The following LTBP4 variants were observed in gnomAD, a reference collection of about 807,000 sequenced individuals.
LTBP4 encodes the protein latent-transforming growth factor beta-binding protein 4.
A neutral mutation model predicts 180.2 loss-of-function variants in LTBP4; 93 were observed. That is an observed-to-expected ratio of 0.52 (90% CI 0.44 to 0.61). The LOEUF (loss-of-function observed/expected upper bound fraction) is 0.61. Among genes scored for constraint, LTBP4 ranks in the 20% least tolerant of loss-of-function variants. The pLI is 0.00. For missense variants in LTBP4, 2,116 were observed against 2,256.5 expected (o/e 0.94, Z 1.26); for synonymous variants, 947 against 934.5 (o/e 1.01, Z -0.24).
At chr19:40,615,196 G>GGTGGGC (rs111948061) in intron 19 of LTBP4, 1 of 146,524 alleles carries the variant, frequency 6.8e-6, no homozygotes, top group Non-Finnish European at 1.5e-5. Flanking sequence ...GTGTCGGCGG[G>GGTGGGC]GGGGGGGGGG....
At position 40,622,283 on chromosome 19, in the gene LTBP4, C is replaced by T. The variant is rs2081591066; in HGVS notation, c.3218-118C>T. 3.4e-6 allele frequency: 4 copies of T among 1,161,360 alleles called. No individual in the cohort carries two copies. The South Asian group carries it at 6.8e-5, about 20-fold the overall frequency. 71.9% of individuals were successfully genotyped at this position (1,161,360 alleles called of 1,614,324 possible). On this transcript the variant is annotated intron_variant, in intron 22 of 29. Coordinates refer to ENST00000396819, the MANE Select transcript of LTBP4 (RefSeq NM_001042545.2). This position sits in a 1 kb window ranked among gnomAD's most constrained non-coding sequence, Gnocchi z 5.1. ...GTGAGAGGTGTGGAGTCTGGTTCTG[C>T]CACTGATGGCTGCCACCCTCTGTTT...
In LTBP4 at chr19:40,613,040, T is replaced by G. The variant is rs1370681840; in HGVS notation, c.2300-25T>G. On this transcript the variant is annotated intron_variant, in intron 15 of 29. Transcript: ENST00000396819. This position sits in a 1 kb window ranked among gnomAD's most constrained non-coding sequence, Gnocchi z 5.0. ...CGGGTGTGTCCCGAGACTGGACCCTTTCTGAACACCCCCACCCCCCACAGA... is the reference window on the plus strand; with the variant it reads ...CGGGTGTGTCCCGAGACTGGACCCTGTCTGAACACCCCCACCCCCCACAGA... The G allele has an allele frequency of 1.2e-6, 2 of 1,609,594 alleles. No homozygotes were observed. Among genetic ancestry groups the G allele is most frequent in the African/African-American group, 2.7e-5 (2 of 74,816 alleles).
chr19:40,594,053 C>A (rs1367207800), intron 1 of LTBP4, among the ~76,000 whole-genome samples: 1 of 151,876 alleles, frequency 6.6e-6, no homozygotes, highest in Non-Finnish European at 1.5e-5. Flanking sequence ...CCACCTCGGC[C>A]TCCCAAAGTG....
At position 40,613,757 on chromosome 19, in the gene LTBP4, A is replaced by G; in HGVS notation, c.2558-159A>G. The G allele has an allele frequency of 3.1e-6, 4 of 1,295,400 alleles. No individual in the cohort carries two copies. The South Asian group carries it at 5.1e-5, about 17-fold the overall frequency. 80.2% of individuals were successfully genotyped at this position (1,295,400 alleles called of 1,614,324 possible). A position where few individuals can be genotyped will look rare whatever the true frequency, so the allele number is the denominator to read the frequency against. Reference sequence around the variant, plus strand: ...CGTGATTGTAAAGAAGCTGTTCTAAACCCGTCGGGGGGCGGTGTTTGCAGG... The same window carrying G: ...CGTGATTGTAAAGAAGCTGTTCTAAGCCCGTCGGGGGGCGGTGTTTGCAGG... On this transcript the variant is annotated intron_variant, in intron 17 of 29. Coordinates refer to ENST00000396819, the MANE Select transcript of LTBP4 (RefSeq NM_001042545.2). This position sits in a 1 kb window ranked among gnomAD's most constrained non-coding sequence, Gnocchi z 5.0.
Position 40,625,918 on chromosome 19 carries a change from G to T in LTBP4, c.3894G>T (p.Arg1298=). The change falls in exon 27 of 30, where the codon CGG becomes CGT. Residue 1298 remains arginine (R), a synonymous_variant. Transcript: ENST00000396819. The part of the protein sequence containing the change: ...VGADLVCSHP[R]LDRQATYTEC... ...CTGACCTCGTGTGCAGCCACCCTCGGCTGGACCGTCAGGCCACCTACACAG... is the reference window on the plus strand; with the variant it reads ...CTGACCTCGTGTGCAGCCACCCTCGTCTGGACCGTCAGGCCACCTACACAG... 1 of 1,603,784 alleles carries T rather than the reference G, an allele frequency of 6.2e-7. No homozygotes were observed.
chr19:40,614,548 G>A, intron 19 of LTBP4, 102 bp downstream of exon 19: 2 of 1,414,868 alleles, frequency 1.4e-6, no homozygotes, highest in Non-Finnish European at 9.5e-7. Context: ...AGACTTAGGC[G>A]GAGGGAAAGA....
In LTBP4 at chr19:40,622,986, A is replaced by G. The variant is rs1217337848; in HGVS notation, c.3521A>G (p.Tyr1174Cys). 3 of 1,612,912 alleles carry G rather than the reference A, an allele frequency of 1.9e-6. No individual in the cohort carries two copies. Among genetic ancestry groups the G allele is most frequent in the Non-Finnish European group, 1.7e-6 (2 of 1,179,600 alleles). Reference protein sequence around the residue: ...YQSLCPHGRGYLAPSGDLSLR... With the variant: ...YQSLCPHGRGCLAPSGDLSLR... ...TCATTGTGCCCTCACGGCCGGGGCT[A>G]CCTGGCGCCCAGTGGAGACCTGAGC... The change falls in exon 24 of 30, where the codon TAC (tyrosine) becomes TGC (cysteine). Residue 1174 changes from tyrosine (Y) to cysteine (C), a missense_variant. Physicochemically the swap from Tyr to Cys is radical, Grantham distance 194. Coordinates refer to ENST00000396819, the MANE Select transcript of LTBP4 (RefSeq NM_001042545.2). The surrounding 1 kb of genome is among the most constrained non-coding windows in gnomAD (Gnocchi z 5.1).
At position 40,627,253 on chromosome 19, in the gene LTBP4, C is replaced by T. The variant is rs539259184; in HGVS notation, c.4264C>T (p.Pro1422Ser). The change falls in exon 28 of 30, where the codon CCT (proline) becomes TCT (serine). Residue 1422 changes from proline (P) to serine (S), a missense_variant. By Grantham distance (74) the Pro-to-Ser change is moderately conservative. Coordinates refer to ENST00000396819, the MANE Select transcript of LTBP4 (RefSeq NM_001042545.2). The part of the protein sequence containing the change: ...DGGPYGESEA[P>S]APPGPGTRWP... The stretch of plus-strand genomic sequence containing the variant: ...TGGCCCCTATGGCGAATCTGAGGCT[C>T]CTGCGCCACCTGGCCCGGGCACCCG... 6.3e-7 allele frequency: 1 copy of T among 1,580,958 alleles called. No homozygotes were observed. The highest frequency in any genetic ancestry group is 1.1e-5 in the South Asian group (1 of 87,512).
chr19:40,629,340 G>C lies in LTBP4; in HGVS notation c.4520-56G>C. The stretch of plus-strand genomic sequence containing the variant: ...TGTTCCAAGAACTTAAGGGGCCAAG[G>C]AGGCGAGCTTCTGGGGCCCCAGCCT... On this transcript the variant is annotated intron_variant, in intron 29 of 29. Transcript: ENST00000396819. The surrounding 1 kb of genome is among the most constrained non-coding windows in gnomAD (Gnocchi z 4.5). 6.2e-7 allele frequency: 1 copy of C among 1,607,942 alleles called. No individual in the cohort carries two copies. The highest frequency in any genetic ancestry group is 8.5e-7 in the Non-Finnish European group (1 of 1,176,184).
intron 18 of LTBP4, 83 bp from the exon 19 acceptor site, chr19:40,614,232 C>A (rs900033782): frequency 1.3e-6 from 2 of 1,536,604 alleles, no homozygotes; most frequent in Non-Finnish European, 8.8e-7. Flanking sequence ...CGGCCTCCCC[C>A]TTCTGACTCT....
rs1449406681 is a variant in LTBP4 at position 40,622,605 on chromosome 19, G to A, written c.3422G>A (p.Cys1141Tyr). Residue 1141 changes from cysteine to tyrosine, a missense_variant, in exon 23 of 30, where the codon TGT becomes TAT. Physicochemically the swap from Cys to Tyr is radical, Grantham distance 194. Transcript: ENST00000396819. The surrounding 1 kb of genome is among the most constrained non-coding windows in gnomAD (Gnocchi z 5.1). ...AATGTGACATGGCAGGAGTGCTGCT[G>A]TACTGTGGGTGAGGGCTGGGGCAGC... is the stretch of plus-strand genomic sequence containing the variant. ...ARNVTWQECC[C>Y]TVGEGWGSGC... is the part of the protein sequence containing the mutation. 6.2e-7 allele frequency: 1 copy of A among 1,613,120 alleles called. No individual in the cohort carries two copies. The highest frequency in any genetic ancestry group is 8.5e-7 in the Non-Finnish European group (1 of 1,179,600).
Position 40,605,900 on chromosome 19 carries a change from T to G in LTBP4, c.793+69T>G. ...GTGACAACCTCACCGTTCCTCCTACTCTGCCCTAGATAAACCCAGTTCACA... is the reference window on the plus strand; with the variant it reads ...GTGACAACCTCACCGTTCCTCCTACGCTGCCCTAGATAAACCCAGTTCACA... On this transcript the variant is annotated intron_variant, in intron 4 of 29. Coordinates refer to ENST00000396819, the MANE Select transcript of LTBP4 (RefSeq NM_001042545.2). This position sits in a 1 kb window ranked among gnomAD's most constrained non-coding sequence, Gnocchi z 5.5. The G allele has an allele frequency of 6.8e-7, 1 of 1,473,232 alleles. No homozygotes were observed. Among genetic ancestry groups the G allele is most frequent in the Non-Finnish European group, 9.1e-7 (1 of 1,095,952 alleles). 91.3% of individuals were successfully genotyped at this position (1,473,232 alleles called of 1,614,324 possible). A position where few individuals can be genotyped will look rare whatever the true frequency, so the allele number is the denominator to read the frequency against.
intron 7 of LTBP4, among the ~76,000 whole-genome samples, 198 bp downstream of exon 7, chr19:40,607,727 C>T (rs2081473896): frequency 6.6e-6 from 1 of 152,210 alleles, no homozygotes; most frequent in Non-Finnish European, 1.5e-5. Flanking sequence ...CCACAGCCAC[C>T]CCTCCATTCG....
rs772328066 is a variant in LTBP4 at position 40,629,386 on chromosome 19, C to T, written c.4520-10C>T. ...AGCCTTCAGCAGCGATCGTTGTCTC[C>T]CCTCCGCAGACATCAACGAGTGTGA... is the stretch of plus-strand genomic sequence containing the variant. On this transcript the variant is annotated splice_polypyrimidine_tract_variant and intron_variant, in intron 29 of 29. Coordinates refer to ENST00000396819, the MANE Select transcript of LTBP4 (RefSeq NM_001042545.2). The surrounding 1 kb of genome is among the most constrained non-coding windows in gnomAD (Gnocchi z 4.5). The T allele has an allele frequency of 6.2e-6, 10 of 1,612,714 alleles. No homozygotes were observed. The highest frequency in any genetic ancestry group is 7.6e-6 in the Non-Finnish European group (9 of 1,179,494).
chr19:40,605,015 T>G lies in LTBP4; in HGVS notation c.251-20T>G, dbSNP rs377402626. 1 of 1,593,750 alleles carries G rather than the reference T, an allele frequency of 6.3e-7. No individual in the cohort carries two copies. The highest frequency in any genetic ancestry group is 8.6e-7 in the Non-Finnish European group (1 of 1,166,154). On this transcript the variant is annotated intron_variant, in intron 1 of 29. Coordinates refer to ENST00000396819, the MANE Select transcript of LTBP4 (RefSeq NM_001042545.2). This position sits in a 1 kb window ranked among gnomAD's most constrained non-coding sequence, Gnocchi z 5.5. ...TGCCAGGAATGGTGGCGCCCCTGAG[T>G]GTCCTCGTTCTCCTCCCAGTCCTGT...
In LTBP4 at chr19:40,611,800, A is replaced by G. The variant is rs1476479914; in HGVS notation, c.2054-59A>G. 6.4e-7 allele frequency: 1 copy of G among 1,556,348 alleles called. No homozygotes were observed. The highest frequency in any genetic ancestry group is 1.2e-5 in the South Asian group (1 of 83,552). ...GACTGGAATGCTGGGGTGGGTGGTG[A>G]TGGCCATGGGAATGGATTCAGGCCC... is the stretch of plus-strand genomic sequence containing the variant. On this transcript the variant is annotated intron_variant, in intron 13 of 29. Transcript: ENST00000396819. This position sits in a 1 kb window ranked among gnomAD's most constrained non-coding sequence, Gnocchi z 4.4.
In LTBP4 at chr19:40,601,377, G is replaced by A; in HGVS notation, c.-11G>A. On this transcript the variant is annotated 5_prime_UTR_variant, in exon 1 of 30. Coordinates refer to ENST00000396819, the MANE Select transcript of LTBP4 (RefSeq NM_001042545.2). The stretch of plus-strand genomic sequence containing the variant: ...TGGGGCGGCGGCGCGGCGGAGCGCG[G>A]CGCTGCAGCCATGGCGGGCGGCGTG... 1 of 1,232,784 alleles carries A rather than the reference G, an allele frequency of 8.1e-7. No individual in the cohort carries two copies. Among genetic ancestry groups the A allele is most frequent in the African/African-American group, 1.6e-5 (1 of 63,574 alleles). The allele number at this position is 1,232,784 out of a possible 1,614,324, so 76.4% of individuals were successfully genotyped here. A position where few individuals can be genotyped will look rare whatever the true frequency, so the allele number is the denominator to read the frequency against.
rs759210412 is a variant in LTBP4 at position 40,623,981 on chromosome 19, G to A, written c.3731G>A (p.Arg1244His). ...GAGGAACCGGCCTGTGAGGGCGGCCGCTGTGTCAACACTGTGGGCTCTTAT... is the reference window on the plus strand; with the variant it reads ...GAGGAACCGGCCTGTGAGGGCGGCCACTGTGTCAACACTGTGGGCTCTTAT... ...ADEEPACEGG[R>H]CVNTVGSYHC... is the part of the protein sequence containing the mutation. The change falls in exon 26 of 30, where the codon CGC becomes CAC. Residue 1244 changes from arginine to histidine, a missense_variant. Physicochemically the swap from Arg to His is conservative, Grantham distance 29. Around this residue, in one of 5 missense-constraint regions of LTBP4, gnomAD observed 278 missense variants for 373.0 expected, o/e 0.75. Coordinates refer to ENST00000396819, the MANE Select transcript of LTBP4 (RefSeq NM_001042545.2). 1.9e-6 allele frequency: 3 copies of A among 1,613,708 alleles called. No homozygotes were observed. The highest frequency in any genetic ancestry group is 1.1e-5 in the South Asian group (1 of 91,044).
Position 40,622,823 on chromosome 19 carries a change from C to T in LTBP4, c.3485-127C>T, listed in dbSNP as rs1476365816. On this transcript the variant is annotated intron_variant, in intron 23 of 29. Transcript: ENST00000396819. The surrounding 1 kb of genome is among the most constrained non-coding windows in gnomAD (Gnocchi z 5.1). ...TGCCAGGCAGGTGGGCATGGGCAGA[C>T]ATAAGGCTGAGAGGTGGGCACTAAC... 2.2e-6 allele frequency: 3 copies of T among 1,381,430 alleles called. No individual in the cohort carries two copies. The highest frequency in any genetic ancestry group is 3.0e-6 in the Non-Finnish European group (3 of 1,016,448). 85.6% of individuals were successfully genotyped at this position (1,381,430 alleles called of 1,614,324 possible). A position where few individuals can be genotyped will look rare whatever the true frequency, so the allele number is the denominator to read the frequency against.
Sources: gnomAD v4.1 joint callset for allele counts (sites outside exome capture counted in the v4.1 genomes callset) on GRCh38, gnomAD v4.1.1 for gene constraint, gnomAD v4.1.1 regional missense constraint, Gnocchi (gnomAD v3.1) non-coding constraint, MANE v1.5 for transcripts, NCBI Gene and HGNC (gene_info 2026-07-23, HGNC 2026-07-21) for gene names.